LRRC7: variants seen among roughly 807,000 people sequenced by gnomAD.
LRRC7 encodes the protein leucine-rich repeat-containing protein 7.
In LRRC7, 23 loss-of-function variants were observed where a neutral mutation model predicts 175.7. That is an observed-to-expected ratio of 0.13 (90% CI 0.09 to 0.19). The LOEUF is 0.19. Ranked by LOEUF, LRRC7 falls within the 10% of genes least tolerant of loss-of-function variation. The probability of loss-of-function intolerance (pLI) is 1.00; values close to 1 mark genes in which losing one functional copy is unlikely to be tolerated. For missense variants in LRRC7, 1,354 were observed against 1,904.7 expected (o/e 0.71, Z 5.38); for synonymous variants, 685 against 680.9 (o/e 1.01, Z -0.09).
intron 8 of LRRC7, among the ~76,000 whole-genome samples, chr1:69,933,893 A>G (rs978630678): frequency 9.9e-5 from 15 of 152,204 alleles, no homozygotes; most frequent in African/African-American, 3.6e-4. Context: ...TTATGCCAGT[A>G]TTTCATGCCA....
At chr1:69,797,223 T>A (rs1675895042) in intron 4 of LRRC7, among the ~76,000 whole-genome samples, 1 of 152,092 alleles carries the variant, frequency 6.6e-6, no homozygotes, top group African/African-American at 2.4e-5. Context: ...GAAATGACAC[T>A]CCGATAAGTA....
At chr1:69,893,648 G>A (rs1222572640) in intron 7 of LRRC7, among the ~76,000 whole-genome samples, 1 of 152,150 alleles carries the variant, frequency 6.6e-6, no homozygotes, top group African/African-American at 2.4e-5. Context: ...ATAAATATGG[G>A]TAAATAGCTC....
intron 1 of LRRC7, among the ~76,000 whole-genome samples, chr1:69,601,194 T>C (rs925533572): frequency 2.0e-5 from 3 of 152,182 alleles, no homozygotes; most frequent in Non-Finnish European, 4.4e-5. Context: ...AGAGTGTCAT[T>C]GCTTCCAGGC....
At chr1:70,099,683 A>G (rs1177211999) in intron 25 of LRRC7, among the ~76,000 whole-genome samples, 4 of 152,144 alleles carry the variant, frequency 2.6e-5, no homozygotes, top group Non-Finnish European at 4.4e-5. Flanking sequence ...CTGATTATCA[A>G]TACTATTTTA....
chr1:69,899,244 G>A (rs753175254), intron 7 of LRRC7, among the ~76,000 whole-genome samples: 6 of 152,128 alleles, frequency 3.9e-5, no homozygotes, highest in South Asian at 2.1e-4. Context: ...ACAAAAAATC[G>A]TCAATCATTG....
intron 1 of LRRC7, among the ~76,000 whole-genome samples, chr1:69,606,375 T>G (rs529853183): frequency 6.6e-6 from 1 of 152,242 alleles, no homozygotes; most frequent in Admixed American, 6.6e-5. Context: ...TGAACCCTCC[T>G]CTAAATGTCA....
Position 69,590,240 on chromosome 1 carries a change from C to G in LRRC7, c.2+21599C>G, listed in dbSNP as rs142582459. On this transcript the variant is annotated intron_variant, in intron 1 of 26. Transcript: ENST00000651989. The stretch of plus-strand genomic sequence containing the variant: ...TTCATTGTTCTGTGTGGTATAGTTC[C>G]AACTAGGTTATAAGCTAAAGTCAGG... 3.3e-5 allele frequency among the ~76,000 whole-genome samples: 5 copies of G among 152,124 alleles called. No individual in the cohort carries two copies. The South Asian group carries it at 6.2e-4, about 19-fold the overall frequency.
chr1:70,036,658 C>T (rs1397992007), intron 20 of LRRC7, 34 bp downstream of exon 20: 1 of 1,556,238 alleles, frequency 6.4e-7, no homozygotes, highest in East Asian at 2.3e-5. Flanking sequence ...TGTTCCCAAA[C>T]GTTTATTTTC....
intron 24 of LRRC7, among the ~76,000 whole-genome samples, chr1:70,083,590 G>GTC (rs1558054828): frequency 6.6e-6 from 1 of 152,010 alleles, no homozygotes; most frequent in Non-Finnish European, 1.5e-5. Context: ...CCCAGCCTTC[G>GTC]TCTCTCTCCT....
At chr1:69,866,880 TAGCA>T (rs780068752) in intron 7 of LRRC7, among the ~76,000 whole-genome samples, 1 of 152,142 alleles carries the variant, frequency 6.6e-6, no homozygotes, top group Non-Finnish European at 1.5e-5. Context: ...ATAATATTTT[TAGCA>T]ATGTATCTAT....
intron 2 of LRRC7, among the ~76,000 whole-genome samples, chr1:69,687,666 C>CTA (rs3041149): frequency 0.5 from 76,414 of 151,596 alleles, 19,741 homozygotes; most frequent in African/African-American, 0.62. Context: ...TGATGCCTCT[C>CTA]TTGAGTTTTT....
chr1:69,925,447 G>A (rs1647036202), intron 7 of LRRC7, among the ~76,000 whole-genome samples: 1 of 152,106 alleles, frequency 6.6e-6, no homozygotes, highest in Admixed American at 6.6e-5. Flanking sequence ...TTTTTGGTTG[G>A]TAAGCTATTG....
chr1:70,025,963 A>T (rs567101685), intron 17 of LRRC7, among the ~76,000 whole-genome samples: 2 of 152,218 alleles, frequency 1.3e-5, no homozygotes, highest in South Asian at 4.1e-4. Context: ...CTAGATTTAA[A>T]TGTCACAGGA....
intron 7 of LRRC7, among the ~76,000 whole-genome samples, chr1:69,913,715 G>T (rs902358714): frequency 3.9e-5 from 6 of 152,074 alleles, no homozygotes; most frequent in Admixed American, 2.6e-4. Flanking sequence ...ACTTTACCAT[G>T]TTGGCCAGGC....
chr1:70,044,405 C>A (rs1469046839), intron 22 of LRRC7, among the ~76,000 whole-genome samples: 1 of 151,546 alleles, frequency 6.6e-6, no homozygotes, highest in African/African-American at 2.4e-5. Flanking sequence ...CTTTGTTTTT[C>A]TTTATTTTGT....
intron 4 of LRRC7, among the ~76,000 whole-genome samples, chr1:69,801,650 T>C (rs1676509352): frequency 6.6e-6 from 1 of 151,754 alleles, no homozygotes; most frequent in African/African-American, 2.4e-5. Context: ...ATTTTGTTTA[T>C]CTTTTAAAGT....
In LRRC7 at chr1:69,834,776, T is replaced by C. The variant is rs1478481915; in HGVS notation, c.501-4T>C. On this transcript the variant is annotated splice_polypyrimidine_tract_variant and splice_region_variant and intron_variant, in intron 5 of 26. Coordinates refer to ENST00000651989, the MANE Select transcript of LRRC7 (RefSeq NM_001370785.2). ...CAGTGACTAAAACTTTAACTCCTTT[T>C]TAGACTACCTGATGGCTTCACACAG... 16 of 1,611,594 alleles carry C rather than the reference T, an allele frequency of 9.9e-6. No homozygotes were observed. The Admixed American group carries it at 1.5e-4, about 15-fold the overall frequency.
At chr1:69,831,259 T>C (rs543319746) in intron 5 of LRRC7, among the ~76,000 whole-genome samples, 1 of 152,162 alleles carries the variant, frequency 6.6e-6, no homozygotes, top group East Asian at 1.9e-4. Flanking sequence ...AAAAGTCATA[T>C]GTAAGTAGTT....
Position 69,781,689 on chromosome 1 carries a change from AAG to A in LRRC7, c.304-10352_304-10351del, listed in dbSNP as rs1491569978. ...AGAGCAAGACTGTCTCAAAAAAAAG[AAG>A]AAAGAAAGAAAGAAAGAAAGAAAGA... is the stretch of plus-strand genomic sequence containing the variant. On this transcript the variant is annotated intron_variant, in intron 3 of 26. Transcript: ENST00000651989. Among the ~76,000 whole-genome samples, 104 of 21,658 alleles carry A rather than the reference AAG, an allele frequency of 4.8e-3. 3 individuals are homozygous for A. Among genetic ancestry groups the A allele is most frequent in the African/African-American group, 0.024 (96 of 3,966 alleles). 14.2% of individuals were successfully genotyped at this position (21,658 alleles called of 152,430 possible).
Sources: gnomAD v4.1 joint callset for allele counts (sites outside exome capture counted in the v4.1 genomes callset) on GRCh38, gnomAD v4.1.1 for gene constraint, MANE v1.5 for transcripts, NCBI Gene and HGNC (gene_info 2026-07-23, HGNC 2026-07-21) for gene names.